The following RALGAPA2 variants were observed in gnomAD, a reference collection of about 807,000 sequenced individuals.
RALGAPA2 encodes Ral GTPase activating protein catalytic subunit alpha 2, also known as ral GTPase-activating protein subunit alpha-2.
RALGAPA2 carries 139 observed loss-of-function variants against 230.4 expected under a neutral mutation model. The observed-to-expected ratio is 0.60, with a 90% CI of 0.53 to 0.69. The LOEUF is 0.69. RALGAPA2 is among the 30% of genes least tolerant of loss of function. The probability of loss-of-function intolerance (pLI) is 0.00; values close to 1 mark genes in which losing one functional copy is unlikely to be tolerated. For synonymous variants in RALGAPA2, 847 were observed against 837.8 expected (o/e 1.01, Z -0.19); for missense variants, 2,163 against 2,276.0 (o/e 0.95, Z 1.01).
intron 2 of RALGAPA2, among the ~76,000 whole-genome samples, chr20:20,678,973 G>T (rs931658536): frequency 1.3e-5 from 2 of 151,940 alleles, no homozygotes; most frequent in African/African-American, 4.8e-5. Flanking sequence ...CCCTTTCCTG[G>T]TACCCCTCCT....
At chr20:20,593,490 G>C (rs1435549434) in intron 16 of RALGAPA2, among the ~76,000 whole-genome samples, 1 of 152,108 alleles carries the variant, frequency 6.6e-6, no homozygotes, top group Non-Finnish European at 1.5e-5. Context: ...AACACCATAG[G>C]GCCAGCCCTT....
At chr20:20,590,723 GTT>G (rs1307441228) in intron 17 of RALGAPA2, among the ~76,000 whole-genome samples, 1 of 152,164 alleles carries the variant, frequency 6.6e-6, no homozygotes, top group East Asian at 1.9e-4. Flanking sequence ...TCGGCAAGCT[GTT>G]AATAAACTTT....
intron 4 of RALGAPA2, among the ~76,000 whole-genome samples, chr20:20,644,281 CCT>C (rs2067137611): frequency 6.6e-6 from 1 of 152,102 alleles, no homozygotes. Flanking sequence ...AGAGAACTTT[CCT>C]CTCAGTCAAA....
At chr20:20,653,458 A>G (rs973430115) in intron 4 of RALGAPA2, 72 bp downstream of exon 4, 19 of 835,268 alleles carry the variant, frequency 2.3e-5, no homozygotes, top group Middle Eastern at 2.3e-4. Context: ...GATGATATCA[A>G]TTATATAAAA....
intron 36 of RALGAPA2, among the ~76,000 whole-genome samples, chr20:20,494,638 G>A (rs917469168): frequency 2.0e-5 from 3 of 152,150 alleles, no homozygotes; most frequent in Non-Finnish European, 2.9e-5. Flanking sequence ...CGGCCTCTTC[G>A]TGGACATGCC....
rs373086956 is a variant in RALGAPA2, at chr20:20,495,176, T to C, written c.5308A>G (p.Ile1770Val). 4 of 1,612,014 alleles carry C rather than the reference T, an allele frequency of 2.5e-6. No homozygotes were observed. The highest frequency in any genetic ancestry group is 2.2e-5 in the East Asian group (1 of 44,862). ...IIPTAFGDVS[I>V]IIYPMKNHMF... The stretch of plus-strand genomic sequence containing the variant: ...TGATTCTTCATTGGGTAAATAATGA[T>C]TGAAACATCTCCAAAGGCAGTTGGG... Residue 1770 changes from isoleucine to valine, a missense_variant, in exon 36 of 40, where the codon ATC (isoleucine) becomes GTC (valine). Coordinates refer to ENST00000202677, the MANE Select transcript of RALGAPA2 (RefSeq NM_020343.4).
At chr20:20,510,527 G>GTT (rs563566624) in intron 33 of RALGAPA2, among the ~76,000 whole-genome samples, 13 of 143,968 alleles carry the variant, frequency 9.0e-5, no homozygotes, top group Admixed American at 3.5e-4. Context: ...TAAAAGTGGT[G>GTT]TTTTTTTTTT....
chr20:20,546,061 G>A (rs1410576659), intron 24 of RALGAPA2, among the ~76,000 whole-genome samples: 1 of 152,080 alleles, frequency 6.6e-6, no homozygotes, highest in African/African-American at 2.4e-5. Flanking sequence ...AGAATGAATG[G>A]GACCCTATCT....
intron 37 of RALGAPA2, chr20:20,472,016 T>C (rs2061552578): frequency 6.6e-6 from 1 of 152,138 alleles, no homozygotes. Flanking sequence ...TTATTATCAA[T>C]ACCAATTAGA....
At chr20:20,459,361 T>C (rs2061246652) in intron 37 of RALGAPA2, among the ~76,000 whole-genome samples, 1 of 152,142 alleles carries the variant, frequency 6.6e-6, no homozygotes, top group African/African-American at 2.4e-5. Flanking sequence ...AAGCAGAACT[T>C]GTACATACTT....
At chr20:20,589,453 A>G in intron 17 of RALGAPA2, 88 bp from the exon 18 acceptor site, 2 of 1,330,628 alleles carry the variant, frequency 1.5e-6, no homozygotes, top group South Asian at 1.4e-5. Flanking sequence ...ATAGGTAACT[A>G]TTAAATTTAA....
chr20:20,678,897 C>T (rs1478070617), intron 2 of RALGAPA2, among the ~76,000 whole-genome samples: 1 of 152,166 alleles, frequency 6.6e-6, no homozygotes, highest in Admixed American at 6.5e-5. Context: ...CCAGCTGCAC[C>T]TCATGCACCA....
intron 37 of RALGAPA2, among the ~76,000 whole-genome samples, chr20:20,438,089 G>A (rs937371716): frequency 3.9e-5 from 6 of 152,168 alleles, no homozygotes; most frequent in Admixed American, 3.3e-4. Context: ...TGGTAAAAAA[G>A]CACATCTTCA....
intron 23 of RALGAPA2, among the ~76,000 whole-genome samples, chr20:20,554,563 C>A (rs2064025276): frequency 6.6e-6 from 1 of 152,126 alleles, no homozygotes; most frequent in African/African-American, 2.4e-5. Context: ...GTCTTTCACC[C>A]ATTTTTTATT....
Position 20,660,360 on chromosome 20 carries a change from C to T in RALGAPA2, c.271-6773G>A, listed in dbSNP as rs374411358. 2.0e-5 allele frequency among the ~76,000 whole-genome samples: 3 copies of T among 152,144 alleles called. No individual in the cohort carries two copies. In the East Asian group the frequency reaches 5.8e-4, roughly 29 times the overall value. ...TGATGTTTATTTACCTTCCTGGTAA[C>T]CTATTTAAAATTCTGGTTTCCTTAG... On this transcript the variant is annotated intron_variant, in intron 3 of 39. Coordinates refer to ENST00000202677, the MANE Select transcript of RALGAPA2 (RefSeq NM_020343.4).
At chr20:20,584,071 G>A (rs1222506317) in intron 19 of RALGAPA2, among the ~76,000 whole-genome samples, 1 of 152,202 alleles carries the variant, frequency 6.6e-6, no homozygotes, top group Non-Finnish European at 1.5e-5. Flanking sequence ...CTCTAAGCTA[G>A]CAGGGTGAAG....
intron 31 of RALGAPA2, among the ~76,000 whole-genome samples, chr20:20,520,563 A>T (rs2063007096): frequency 6.6e-6 from 1 of 152,142 alleles, no homozygotes; most frequent in Non-Finnish European, 1.5e-5. Context: ...GTCCTTCTTC[A>T]TGGAAAGCCC....
chr20:20,643,694 C>A, intron 4 of RALGAPA2, 145 bp from the exon 5 acceptor site: 1 of 748,338 alleles, frequency 1.3e-6, no homozygotes, highest in Non-Finnish European at 1.9e-6. Flanking sequence ...AGCAATGTCA[C>A]AGAGGGAAAG....
At chr20:20,446,591 G>A (rs1022612611) in intron 37 of RALGAPA2, among the ~76,000 whole-genome samples, 7 of 152,188 alleles carry the variant, frequency 4.6e-5, no homozygotes, top group Non-Finnish European at 1.0e-4. Context: ...GAAAGCAAAT[G>A]CATTACTACG....
Sources: allele counts gnomAD v4.1 joint callset (sites outside exome capture counted in the v4.1 genomes callset), GRCh38; gene constraint gnomAD v4.1.1; transcripts MANE v1.5; gene names NCBI Gene and HGNC (gene_info 2026-07-23, HGNC 2026-07-21).